The following HIBADH variants were observed in gnomAD, a reference collection of about 807,000 sequenced individuals.
HIBADH encodes 3-hydroxyisobutyrate dehydrogenase, mitochondrial.
HIBADH carries 25 observed loss-of-function variants against 36.1 expected under a neutral mutation model. That is an observed-to-expected ratio of 0.69 (90% CI 0.50 to 0.97). HIBADH has a LOEUF of 0.97. Ranked by LOEUF, HIBADH falls within the 50% of genes least tolerant of loss-of-function variation. The pLI is 0.00. For missense variants in HIBADH, 421 were observed against 418.0 expected (o/e 1.01, Z -0.06); for synonymous variants, 160 against 149.5 (o/e 1.07, Z -0.51).
At chr7:27,620,480 C>G (rs2128293189) in intron 4 of HIBADH, among the ~76,000 whole-genome samples, 1 of 151,674 alleles carries the variant, frequency 6.6e-6, no homozygotes. Flanking sequence ...GGAAAAACAA[C>G]AACAACAACA....
intron 4 of HIBADH, among the ~76,000 whole-genome samples, chr7:27,594,917 A>AC (rs1331087710): frequency 1.3e-5 from 2 of 152,200 alleles, no homozygotes; most frequent in Non-Finnish European, 2.9e-5. Context: ...TTCTACGCTC[A>AC]CCCCTTCAAC....
chr7:27,545,162 T>A (rs1751846819), intron 4 of HIBADH, among the ~76,000 whole-genome samples: 1 of 152,162 alleles, frequency 6.6e-6, no homozygotes, highest in African/African-American at 2.4e-5. Flanking sequence ...CTAAATTAGC[T>A]AGGCATAGTG....
At chr7:27,568,362 C>G (rs1784578495) in intron 4 of HIBADH, among the ~76,000 whole-genome samples, 1 of 152,028 alleles carries the variant, frequency 6.6e-6, no homozygotes, top group South Asian at 2.1e-4. Context: ...GCCTTTTGGC[C>G]TACATGTTTT....
intron 4 of HIBADH, among the ~76,000 whole-genome samples, chr7:27,592,221 G>A (rs1040440062): frequency 2.6e-5 from 4 of 152,136 alleles, no homozygotes; most frequent in African/African-American, 9.7e-5. Context: ...AGTGCAATGT[G>A]TTTTTTATGA....
At chr7:27,611,378 A>G (rs752333946) in intron 4 of HIBADH, among the ~76,000 whole-genome samples, 1 of 152,220 alleles carries the variant, frequency 6.6e-6, no homozygotes, top group Admixed American at 6.5e-5. Flanking sequence ...TTTGGTCATT[A>G]GTCACTAGCA....
At chr7:27,573,965 C>T (rs181641495) in intron 4 of HIBADH, among the ~76,000 whole-genome samples, 145 of 152,186 alleles carry the variant, frequency 9.5e-4, no homozygotes, top group African/African-American at 3.0e-3. Context: ...TTAAATTACA[C>T]ATGTGGCTTA....
intron 6 of HIBADH, among the ~76,000 whole-genome samples, chr7:27,533,258 GT>G (rs1784027509): frequency 6.6e-6 from 1 of 152,084 alleles, no homozygotes; most frequent in Non-Finnish European, 1.5e-5. Context: ...TCCTAACTTT[GT>G]AAAACCCTAC....
rs1039826470 is a variant in HIBADH at position 27,531,266 on chromosome 7, C to T, written c.778G>A (p.Val260Ile). ...RCWSSDTYNPVPGVMDGVPSA... is the reference protein window; with the variant it reads ...RCWSSDTYNPIPGVMDGVPSA... The stretch of plus-strand genomic sequence containing the variant: ...GGAACGCCATCCATCACTCCAGGTA[C>T]AGGATTATAAGTGTCACTTGACCAA... Residue 260 changes from valine (V) to isoleucine (I), a missense_variant, in exon 7 of 8, where the codon GTA (valine) becomes ATA (isoleucine). Physicochemically the swap from Val to Ile is conservative, Grantham distance 29. Transcript: ENST00000265395. 6 of 1,613,926 alleles carry T rather than the reference C, an allele frequency of 3.7e-6. No homozygotes were observed. The highest frequency in any genetic ancestry group is 4.2e-6 in the Non-Finnish European group (5 of 1,179,968).
intron 4 of HIBADH, among the ~76,000 whole-genome samples, chr7:27,607,755 AAT>A (rs1280078260): frequency 6.6e-6 from 1 of 152,244 alleles, no homozygotes; most frequent in South Asian, 2.1e-4. Flanking sequence ...AAAAAAAAAA[AAT>A]GTTATAGCCT....
chr7:27,660,682 T>C (rs909933138), intron 1 of HIBADH, among the ~76,000 whole-genome samples: 1 of 151,942 alleles, frequency 6.6e-6, no homozygotes, highest in Non-Finnish European at 1.5e-5. Flanking sequence ...AAAATTTTTT[T>C]CAAGAGAAAA....
At chr7:27,550,131 G>C (rs544240414) in intron 4 of HIBADH, among the ~76,000 whole-genome samples, 10 of 151,974 alleles carry the variant, frequency 6.6e-5, no homozygotes, top group Admixed American at 5.9e-4. Flanking sequence ...GGATGGTCTC[G>C]ATCTCTTTGC....
At chr7:27,638,722 C>G (rs995012941) in intron 2 of HIBADH, among the ~76,000 whole-genome samples, 3 of 152,090 alleles carry the variant, frequency 2.0e-5, no homozygotes, top group Non-Finnish European at 2.9e-5. Flanking sequence ...TACTCAGAAT[C>G]TATAGGGAAC....
At chr7:27,576,866 T>C (rs1036955439) in intron 4 of HIBADH, among the ~76,000 whole-genome samples, 4 of 152,314 alleles carry the variant, frequency 2.6e-5, no homozygotes, top group African/African-American at 9.6e-5. Context: ...AATTCTTTAC[T>C]ATCCAATAAG....
intron 7 of HIBADH, among the ~76,000 whole-genome samples, chr7:27,527,321 C>T (rs1783918195): frequency 6.6e-6 from 1 of 152,114 alleles, no homozygotes. Context: ...CTCACTCTTG[C>T]TTTGATATGG....
At chr7:27,627,074 G>A (rs1562650426) in intron 4 of HIBADH, among the ~76,000 whole-genome samples, 1 of 152,196 alleles carries the variant, frequency 6.6e-6, no homozygotes, top group East Asian at 1.9e-4. Context: ...TGACCAGGGT[G>A]CACTGGGGTA....
intron 4 of HIBADH, among the ~76,000 whole-genome samples, chr7:27,573,492 A>G (rs1277401309): frequency 6.6e-6 from 1 of 152,216 alleles, no homozygotes; most frequent in Non-Finnish European, 1.5e-5. Flanking sequence ...TCTTGAGAGC[A>G]AAGACCATGA....
intron 2 of HIBADH, among the ~76,000 whole-genome samples, chr7:27,648,397 C>T (rs1248577926): frequency 6.6e-6 from 1 of 152,124 alleles, no homozygotes; most frequent in East Asian, 1.9e-4. Context: ...CCATATGGCA[C>T]AAAAACCATG....
intron 4 of HIBADH, among the ~76,000 whole-genome samples, chr7:27,597,855 T>C (rs1372182799): frequency 6.6e-6 from 1 of 152,162 alleles, no homozygotes; most frequent in African/African-American, 2.4e-5. Flanking sequence ...TAAGAAAATA[T>C]TAATGGCAAA....
chr7:27,567,033 A>G (rs1025785675), intron 4 of HIBADH, among the ~76,000 whole-genome samples: 2 of 152,128 alleles, frequency 1.3e-5, no homozygotes, highest in Admixed American at 1.3e-4. Flanking sequence ...ATACATGTCA[A>G]TTAGGTTCAT....
Sources: gnomAD v4.1 joint callset for allele counts (sites outside exome capture counted in the v4.1 genomes callset) on GRCh38, gnomAD v4.1.1 for gene constraint, MANE v1.5 for transcripts, NCBI Gene and HGNC (gene_info 2026-07-23, HGNC 2026-07-21) for gene names.